The following GCSAML variants were observed in gnomAD, a reference collection of about 807,000 sequenced individuals.
GCSAML encodes germinal center-associated signaling and motility-like protein.
GCSAML carries 9 observed loss-of-function variants against 13.0 expected under a neutral mutation model. That is an observed-to-expected ratio of 0.69 (90% CI 0.42 to 1.21). The LOEUF (loss-of-function observed/expected upper bound fraction) is 1.21, where lower values mean the gene tolerates loss of function less well. Ranked by LOEUF, GCSAML falls within the 50% of genes most tolerant of loss-of-function variation. The pLI is 0.00. For synonymous variants in GCSAML, 37 were observed against 52.9 expected, an observed-to-expected ratio of 0.70 and a Z score of 1.31; for missense variants, 143 against 153.4, an observed-to-expected ratio of 0.93 and a Z score of 0.36.
intron 1 of GCSAML, among the ~76,000 whole-genome samples, chr1:247,553,304 A>T (rs1667843140): frequency 6.6e-6 from 1 of 151,050 alleles, no homozygotes; most frequent in South Asian, 2.1e-4. Flanking sequence ...TGAATTTCTC[A>T]TTTTTTTTCA....
chr1:247,540,980 CTGAG>C lies in GCSAML; in HGVS notation c.-147-8063_-147-8060del, dbSNP rs1479256506. Among the ~76,000 whole-genome samples the C allele has an allele frequency of 3.3e-5, 5 of 152,246 alleles. No individual in the cohort carries two copies. In the East Asian group the frequency reaches 9.6e-4, roughly 29 times the overall value. On this transcript the variant is annotated intron_variant, in intron 2 of 5. Transcript: ENST00000366489. ...TTTCTGTTTAGAAGGCATTGAGTTA[CTGAG>C]TATTAAAAATAAAAGAAACTGCTGA...
intron 2 of GCSAML, chr1:247,532,383 A>C (rs1442668765): frequency 1.2e-6 from 2 of 1,614,200 alleles, no homozygotes; most frequent in East Asian, 4.5e-5. Context: ...TGATGATGCC[A>C]TTGCCCAAGA....
At chr1:247,546,943 A>G (rs1031682836), upstream of GCSAML, among the ~76,000 whole-genome samples, 6 of 123,728 alleles carry the variant, frequency 4.8e-5, no homozygotes, top group Non-Finnish European at 9.6e-5. Flanking sequence ...TAAAAAAAAA[A>G]AAAAAAAAGA....
chr1:247,513,026 G>A (rs948388751), intron 1 of GCSAML, among the ~76,000 whole-genome samples: 3 of 152,186 alleles, frequency 2.0e-5, no homozygotes, highest in African/African-American at 7.2e-5. Flanking sequence ...TCCCTTAGCA[G>A]AGCTTGAGCG....
chr1:247,563,501 G>A (rs1192511820), intron 2 of GCSAML, 89 bp from the exon 3 acceptor site: 3 of 713,262 alleles, frequency 4.2e-6, no homozygotes, highest in African/African-American at 3.8e-5. Flanking sequence ...AATGGCCTTA[G>A]GTTAAGGGCA....
upstream of GCSAML, among the ~76,000 whole-genome samples, chr1:247,548,561 T>C (rs1572345198): frequency 6.6e-6 from 1 of 152,248 alleles, no homozygotes; most frequent in East Asian, 1.9e-4. This position sits in a 1 kb window ranked among gnomAD's most constrained non-coding sequence, Gnocchi z 5.3. Flanking sequence ...TATTGACATT[T>C]GATCTGATTA....
chr1:247,553,055 A>G (rs1389973936), intron 1 of GCSAML, among the ~76,000 whole-genome samples: 2 of 152,170 alleles, frequency 1.3e-5, no homozygotes, highest in African/African-American at 4.8e-5. Flanking sequence ...CGCCTGGTCT[A>G]TGCAGATATA....
In GCSAML at chr1:247,532,398, T is replaced by C. The variant is rs1429603879; in HGVS notation, c.-148+5344T>C. ...TGATGATGCCATTGCCCAAGATCGA[T>C]ACCATGTAAAAACTCAAGACAACTA... On this transcript the variant is annotated intron_variant, in intron 2 of 5. Coordinates refer to the GCSAML transcript ENST00000366489. 7 of 1,614,104 alleles carry C rather than the reference T, an allele frequency of 4.3e-6. No homozygotes were observed. In the South Asian group the frequency reaches 5.5e-5, roughly 13 times the overall value.
chr1:247,555,502 A>G (rs1667917416), intron 1 of GCSAML, among the ~76,000 whole-genome samples: 1 of 152,232 alleles, frequency 6.6e-6, no homozygotes, highest in Admixed American at 6.5e-5. Context: ...TTCTTTGCTT[A>G]GTGGCTTTGT....
chr1:247,518,192 G>A (rs1333998511), intron 1 of GCSAML, among the ~76,000 whole-genome samples: 1 of 152,200 alleles, frequency 6.6e-6, no homozygotes, highest in African/African-American at 2.4e-5. Context: ...CGCCGGCTCC[G>A]GGAGCTGCCA....
intron 4 of GCSAML, among the ~76,000 whole-genome samples, chr1:247,572,825 G>GC (rs1351224705): frequency 6.6e-6 from 1 of 152,218 alleles, no homozygotes; most frequent in African/African-American, 2.4e-5. Context: ...CCTTCTGTAA[G>GC]CCCCTGACTG....
chr1:247,574,074 G>A, intron 4 of GCSAML, 69 bp from the exon 5 acceptor site: 5 of 1,562,206 alleles, frequency 3.2e-6, no homozygotes, highest in Middle Eastern at 2.0e-4. Context: ...AAGAAGGGAA[G>A]GTAGTACACT....
At chr1:247,535,178 G>A (rs1380429261) in intron 2 of GCSAML, among the ~76,000 whole-genome samples, 1 of 152,148 alleles carries the variant, frequency 6.6e-6, no homozygotes, top group Non-Finnish European at 1.5e-5. Context: ...GACTGAGTGT[G>A]GCTGTGTGTG....
rs187721245 is a variant in GCSAML at position 247,517,891 on chromosome 1, T to G, written c.-262-9049T>G. 6.4e-4 allele frequency among the ~76,000 whole-genome samples: 98 copies of G among 152,224 alleles called. 1 individual carries two copies. In the East Asian group the frequency reaches 0.016, roughly 25 times the overall value. ...GGAGGGTCAATGAGAGCTCGCGGGG[T>G]GACGCCATTCTGCTGGGGTTCTGGA... On this transcript the variant is annotated intron_variant, in intron 1 of 5. Coordinates refer to the GCSAML transcript ENST00000366489.
At position 247,532,025 on chromosome 1, in the gene GCSAML, G is replaced by A. The variant is rs137950155; in HGVS notation, c.-148+4971G>A. ...CCACACAGCGGTAGGAGCATGGTGA[G>A]CGTGGAGCCCACCATGCTGGTGGTC... On this transcript the variant is annotated intron_variant, in intron 2 of 5. Transcript: ENST00000366489. 2.5e-6 allele frequency: 4 copies of A among 1,614,008 alleles called. No individual in the cohort carries two copies. The African/African-American group carries it at 4.0e-5, about 16-fold the overall frequency.
chr1:247,531,292 T>G (rs1572315068), intron 2 of GCSAML: 11 of 463,222 alleles, frequency 2.4e-5, no homozygotes, highest in Non-Finnish European at 3.8e-5. Context: ...ACGCAAGGAG[T>G]TTACAAAACA....
rs780392451 is a variant in GCSAML, at chr1:247,527,016, T to C, written c.-186T>C. ...ATGTGGAGCCAGAAATTGTGTGGAA[T>C]GCCTGGTGTTTCTTTCAGTTCTTGG... On this transcript the variant is annotated 5_prime_UTR_variant, in exon 2 of 6. Coordinates refer to the GCSAML transcript ENST00000366489. This position sits in a 1 kb window ranked among gnomAD's most constrained non-coding sequence, Gnocchi z 4.6. 8.8e-6 allele frequency: 4 copies of C among 456,648 alleles called. No individual in the cohort carries two copies. The highest frequency in any genetic ancestry group is 1.8e-5 in the Non-Finnish European group (4 of 226,980). The allele number at this position is 456,648 out of a possible 1,614,324, so 28.3% of individuals were successfully genotyped here.
intron 2 of GCSAML, chr1:247,530,229 A>G (rs1666864104): frequency 6.6e-6 from 1 of 152,182 alleles, no homozygotes; most frequent in South Asian, 2.1e-4. Flanking sequence ...TGGTCTTCCC[A>G]TGCCTTTGAA....
intron 2 of GCSAML, among the ~76,000 whole-genome samples, chr1:247,562,594 C>T (rs992180492): frequency 6.6e-6 from 1 of 152,136 alleles, no homozygotes; most frequent in Admixed American, 6.5e-5. Flanking sequence ...TTCCCTCAGC[C>T]CAGGCACATC....
Sources: allele counts gnomAD v4.1 joint callset (sites outside exome capture counted in the v4.1 genomes callset), GRCh38; gene constraint gnomAD v4.1.1; non-coding constraint Gnocchi (gnomAD v3.1); transcripts MANE v1.5; gene names NCBI Gene and HGNC (gene_info 2026-07-23, HGNC 2026-07-21).